BFAR: variants seen among roughly 807,000 people sequenced by gnomAD.
BFAR encodes bifunctional apoptosis regulator, also known as RING finger protein 47.
Under a neutral mutation model 54.4 loss-of-function variants are expected in BFAR, and 52 were observed. That is an observed-to-expected ratio of 0.96 (90% CI 0.77 to 1.21). BFAR has a LOEUF of 1.21. Among genes scored for constraint, BFAR ranks in the 50% most tolerant of loss-of-function variants. The pLI, the probability that BFAR is intolerant of heterozygous loss-of-function variation, is 0.00. For synonymous variants in BFAR, 215 were observed against 204.3 expected (o/e 1.05, Z -0.45); for missense variants, 571 against 534.0 (o/e 1.07, Z -0.68).
At chr16:14,652,999 G>C (rs1960018406) in intron 4 of BFAR, among the ~76,000 whole-genome samples, 1 of 152,076 alleles carries the variant, frequency 6.6e-6, no homozygotes, top group South Asian at 2.1e-4. Flanking sequence ...TGAGGAAATG[G>C]CATGCTCCTA....
intron 5 of BFAR, among the ~76,000 whole-genome samples, chr16:14,658,133 C>G (rs1309125212): frequency 2.0e-5 from 3 of 152,176 alleles, no homozygotes; most frequent in African/African-American, 7.2e-5. Flanking sequence ...GAAAACAGCT[C>G]TGTCTCTAGC....
At chr16:14,664,649 A>G (rs1960388295) in intron 6 of BFAR, among the ~76,000 whole-genome samples, 1 of 152,144 alleles carries the variant, frequency 6.6e-6, no homozygotes, top group South Asian at 2.1e-4. Flanking sequence ...ACAGGCACAC[A>G]CCACCACGTC....
chr16:14,636,392 A>C (rs1262928201), intron 1 of BFAR, among the ~76,000 whole-genome samples: 1 of 152,196 alleles, frequency 6.6e-6, no homozygotes, highest in Non-Finnish European at 1.5e-5. Flanking sequence ...TCAGCAGATA[A>C]ACATGTGAAC....
chr16:14,640,900 G>A (rs1172609251), intron 1 of BFAR, among the ~76,000 whole-genome samples: 4 of 152,130 alleles, frequency 2.6e-5, no homozygotes, highest in Middle Eastern at 6.3e-3. Flanking sequence ...CAGACTTCCC[G>A]AGGCATCTCT....
intron 5 of BFAR, among the ~76,000 whole-genome samples, chr16:14,656,677 C>T (rs748716299): frequency 4.6e-5 from 7 of 152,030 alleles, no homozygotes; most frequent in Admixed American, 1.3e-4. Context: ...AAGTTATTCA[C>T]GGCAGCATTG....
chr16:14,636,977 T>C (rs2151834260), intron 1 of BFAR, among the ~76,000 whole-genome samples: 1 of 152,226 alleles, frequency 6.6e-6, no homozygotes, highest in Non-Finnish European at 1.5e-5. Context: ...GGGTTGGGGG[T>C]AAGGTTATAG....
rs1185884970 is a variant in BFAR, at chr16:14,667,560, A to G, written c.1161-75A>G. 2.2e-6 allele frequency: 3 copies of G among 1,388,702 alleles called. No individual in the cohort carries two copies. In the East Asian group the frequency reaches 6.9e-5, roughly 32 times the overall value. 86.0% of individuals were successfully genotyped at this position (1,388,702 alleles called of 1,614,324 possible). On this transcript the variant is annotated intron_variant, in intron 7 of 7. Coordinates refer to ENST00000261658, the MANE Select transcript of BFAR (RefSeq NM_016561.3). ...GCCATGCTCTTCCCAGCACCCAGAAAAGGCCCAGGGCCCGGACTCCTGGGT... is the reference window on the plus strand; with the variant it reads ...GCCATGCTCTTCCCAGCACCCAGAAGAGGCCCAGGGCCCGGACTCCTGGGT...
At chr16:14,657,533 C>T (rs962646240) in intron 5 of BFAR, among the ~76,000 whole-genome samples, 2 of 151,816 alleles carry the variant, frequency 1.3e-5, no homozygotes, top group Non-Finnish European at 2.9e-5. Context: ...CAGGTGTGAG[C>T]CACCGCGCCT....
At chr16:14,659,741 G>A (rs201836745) in intron 5 of BFAR, among the ~76,000 whole-genome samples, 160 of 147,498 alleles carry the variant, frequency 1.1e-3, no homozygotes, top group African/African-American at 3.4e-3. Flanking sequence ...TAGTAGAGAC[G>A]GGATTTCACC....
rs1423260143 is a variant in BFAR, at chr16:14,668,361, C to G, written c.*534C>G. On this transcript the variant is annotated 3_prime_UTR_variant, in exon 8 of 8. Transcript: ENST00000261658. ...CCCAAAATTCAATCAACAATTCTGT[C>G]TTATTGAAGAGTTGCTAGGATTCAG... 1 of 153,484 alleles carries G rather than the reference C, an allele frequency of 6.5e-6. No homozygotes were observed. The highest frequency in any genetic ancestry group is 6.5e-5 in the Admixed American group (1 of 15,404). The allele number at this position is 153,484 out of a possible 1,614,324, so 9.5% of individuals were successfully genotyped here.
rs1044548689 is a variant in BFAR, at chr16:14,644,260, T to G, written c.-73-14T>G. 146 of 1,280,244 alleles carry G rather than the reference T, an allele frequency of 1.1e-4. No homozygotes were observed. Among genetic ancestry groups the G allele is most frequent in the Admixed American group, 2.2e-4 (10 of 45,546 alleles). 79.3% of individuals were successfully genotyped at this position (1,280,244 alleles called of 1,614,324 possible). On this transcript the variant is annotated splice_polypyrimidine_tract_variant and intron_variant, in intron 1 of 7. Transcript: ENST00000261658. ...ACTATTTGCCTTATTTTTGTCTCTG[T>G]TTTTTTTTTCTAGATTAATGATGTT...
rs568645279 is a variant in BFAR, at chr16:14,638,125, A to G, written c.-74+5107A>G. On this transcript the variant is annotated intron_variant, in intron 1 of 7. Transcript: ENST00000261658. ...AATTGAGGTCAGCTGGGCTCATGCCATAATCCCAGCCCTTTGGGAAGCTGA... is the reference window on the plus strand; with the variant it reads ...AATTGAGGTCAGCTGGGCTCATGCCGTAATCCCAGCCCTTTGGGAAGCTGA... 6.6e-5 allele frequency among the ~76,000 whole-genome samples: 10 copies of G among 152,318 alleles called. 1 individual carries two copies. The South Asian group carries it at 1.0e-3, about 16-fold the overall frequency.
At chr16:14,644,668 C>CTTT (rs376559546) in intron 2 of BFAR, 59 bp downstream of exon 2, 42 of 1,330,826 alleles carry the variant, frequency 3.2e-5, no homozygotes, top group Non-Finnish European at 3.5e-5. Context: ...TTCTCTCTTG[C>CTTT]TTTTTTTTTT....
chr16:14,659,554 ACTT>A (rs752618043), intron 5 of BFAR, among the ~76,000 whole-genome samples: 13 of 139,584 alleles, frequency 9.3e-5, no homozygotes, highest in Non-Finnish European at 1.4e-4. Flanking sequence ...TCTATAGTAT[ACTT>A]CTTTTTTTTT....
chr16:14,669,050 T>C lies in BFAR; in HGVS notation c.*1223T>C. 1 of 455,344 alleles carries C rather than the reference T, an allele frequency of 2.2e-6. No individual in the cohort carries two copies. Among genetic ancestry groups the C allele is most frequent in the South Asian group, 1.6e-5 (1 of 64,424 alleles). The allele number at this position is 455,344 out of a possible 1,614,324, so 28.2% of individuals were successfully genotyped here. A position where few individuals can be genotyped will look rare whatever the true frequency, so the allele number is the denominator to read the frequency against. ...CCTTCCAGTGTGAACACAGCAGGTG[T>C]GAGATGTCATCTTGGAAGACAGGCC... On this transcript the variant is annotated 3_prime_UTR_variant, in exon 8 of 8. Transcript: ENST00000261658.
chr16:14,657,240 TTTTTG>T (rs537636988), intron 5 of BFAR, among the ~76,000 whole-genome samples: 5 of 151,918 alleles, frequency 3.3e-5, no homozygotes, highest in African/African-American at 7.2e-5. Context: ...TTGGTTTTTG[TTTTTG>T]TTTTGTTTTG....
chr16:14,654,346 TTAAAAATAGAGTAATATAAAAAAATAAA>T (rs984960200), intron 4 of BFAR, among the ~76,000 whole-genome samples: 5 of 151,940 alleles, frequency 3.3e-5, no homozygotes, highest in Admixed American at 6.6e-5. Flanking sequence ...ACACACAGTT[TTAAAAATAGAGTAATATAAAAAAATAAA>T]TAAAAATAGA....
intron 5 of BFAR, 73 bp from the exon 6 acceptor site, chr16:14,661,802 TGATGGCAACAAGCGAGA>T: frequency 7.0e-7 from 1 of 1,434,290 alleles, no homozygotes; most frequent in Non-Finnish European, 9.7e-7. Flanking sequence ...GCAAAAAGGC[TGATGGCAACAAGCGAGA>T]GATGGGAAGG....
rs1227979578 is a variant in BFAR, at chr16:14,668,735, A to G, written c.*908A>G. 1.3e-5 allele frequency: 2 copies of G among 156,466 alleles called. No homozygotes were observed. Among genetic ancestry groups the G allele is most frequent in the African/African-American group, 4.8e-5 (2 of 41,432 alleles). 9.7% of individuals were successfully genotyped at this position (156,466 alleles called of 1,614,324 possible). ...ATGGCACATACCTGTAATCCCAGCTACTTGGAATTGGAAATCGCCTGAACC... is the reference window on the plus strand; with the variant it reads ...ATGGCACATACCTGTAATCCCAGCTGCTTGGAATTGGAAATCGCCTGAACC... On this transcript the variant is annotated 3_prime_UTR_variant, in exon 8 of 8. Coordinates refer to ENST00000261658, the MANE Select transcript of BFAR (RefSeq NM_016561.3).
Sources: allele counts gnomAD v4.1 joint callset (sites outside exome capture counted in the v4.1 genomes callset), GRCh38; gene constraint gnomAD v4.1.1; transcripts MANE v1.5; gene names NCBI Gene and HGNC (gene_info 2026-07-23, HGNC 2026-07-21).